Variants in SYT16 observed in about 807,000 individuals in gnomAD.
The protein encoded by SYT16 is synaptotagmin 16.
In SYT16, 42 loss-of-function variants were observed where a neutral mutation model predicts 61.4. That is an observed-to-expected ratio of 0.68 (90% CI 0.53 to 0.89). SYT16 has a LOEUF of 0.89. SYT16 is among the 40% of genes least tolerant of loss of function. SYT16 has a pLI of 0.00. For synonymous variants in SYT16, 314 were observed against 302.3 expected, an observed-to-expected ratio of 1.04 and a Z score of -0.40; for missense variants, 804 against 807.3, an observed-to-expected ratio of 1.00 and a Z score of 0.05.
rs1035256170 is a variant in SYT16, at chr14:61,996,287, C to G, written c.268C>G (p.His90Asp). The G allele has an allele frequency of 6.2e-7, 1 of 1,613,604 alleles. No homozygotes were observed. The highest frequency in any genetic ancestry group is 8.5e-7 in the Non-Finnish European group (1 of 1,179,660). Residue 90 changes from histidine (H) to aspartate (D), a missense_variant, in exon 3 of 8, where the codon CAT (histidine) becomes GAT (aspartate). Transcript: ENST00000683842. ...AAATTCCTTGTTTCTTGAAGTGGAT[C>G]ATTTCTCATGTTGTAATAGTGATTT... ...DANSLFLEVD[H>D]FSCCNSDLQD...
At chr14:62,063,598 C>A (rs890543031) in intron 3 of SYT16, among the ~76,000 whole-genome samples, 1 of 152,072 alleles carries the variant, frequency 6.6e-6, no homozygotes, top group South Asian at 2.1e-4. Flanking sequence ...CCACTCTAGC[C>A]GTGGGTGATA....
intron 1 of SYT16, among the ~76,000 whole-genome samples, chr14:61,940,984 A>G (rs1481411323): frequency 3.3e-5 from 5 of 152,172 alleles, no homozygotes; most frequent in African/African-American, 7.2e-5. Flanking sequence ...AGACTGTGAC[A>G]TTTGCCCCTT....
intron 3 of SYT16, among the ~76,000 whole-genome samples, chr14:62,051,514 C>T (rs563729402): frequency 6.6e-6 from 1 of 152,210 alleles, no homozygotes; most frequent in Non-Finnish European, 1.5e-5. Flanking sequence ...GTGAGATGAA[C>T]CCAGTACCTC....
At chr14:62,018,415 C>T (rs2053786120) in intron 3 of SYT16, among the ~76,000 whole-genome samples, 1 of 145,676 alleles carries the variant, frequency 6.9e-6, no homozygotes, top group Non-Finnish European at 1.5e-5. Context: ...TCAAGCGATT[C>T]TCCTACCTCA....
At chr14:61,871,548 G>T (rs1019199184) in intron 1 of SYT16, among the ~76,000 whole-genome samples, 1 of 152,028 alleles carries the variant, frequency 6.6e-6, no homozygotes, top group Non-Finnish European at 1.5e-5. Flanking sequence ...GCACCCACAG[G>T]GATCACTTCA....
chr14:62,058,340 C>CT (rs796187620), intron 3 of SYT16, among the ~76,000 whole-genome samples: 2,660 of 108,972 alleles, frequency 0.024, 66 homozygotes, highest in East Asian at 0.082. Context: ...TGTTTAAATT[C>CT]TTTTTTTTTT....
At chr14:61,991,245 A>G (rs779999909) in intron 2 of SYT16, among the ~76,000 whole-genome samples, 18 of 151,994 alleles carry the variant, frequency 1.2e-4, no homozygotes, top group Non-Finnish European at 2.6e-4. Flanking sequence ...TTCAATTGTA[A>G]TAATGGGCCT....
chr14:61,912,238 A>G (rs1242317040), intron 1 of SYT16, among the ~76,000 whole-genome samples: 1 of 152,222 alleles, frequency 6.6e-6, no homozygotes, highest in Non-Finnish European at 1.5e-5. Context: ...AGCACTGAGA[A>G]ACAGAATTAT....
chr14:62,025,604 A>G (rs2054073162), intron 3 of SYT16, among the ~76,000 whole-genome samples: 3 of 152,242 alleles, frequency 2.0e-5, no homozygotes, highest in Admixed American at 6.5e-5. Context: ...AATTTAATGC[A>G]GTCCAATTTA....
intron 7 of SYT16, among the ~76,000 whole-genome samples, chr14:62,087,885 G>A (rs559467666): frequency 3.3e-5 from 5 of 152,172 alleles, no homozygotes; most frequent in African/African-American, 1.2e-4. Flanking sequence ...GCTGGAGGTA[G>A]TGGGGCCAAT....
In SYT16 at chr14:61,939,091, T is replaced by C. The variant is rs186921943; in HGVS notation, c.-324-31041T>C. ...CAGAGGTTGTAGTGAGCTGAGATCG[T>C]GCCACTGCACTCCAGCCTGGGCAAC... On this transcript the variant is annotated intron_variant, in intron 1 of 7. Transcript: ENST00000683842. 2.7e-3 allele frequency among the ~76,000 whole-genome samples: 407 copies of C among 152,256 alleles called. 5 individuals carry two copies. The highest frequency in any genetic ancestry group is 8.2e-3 in the Admixed American group (125 of 15,288).
At chr14:61,994,884 G>T (rs966704826) in intron 2 of SYT16, among the ~76,000 whole-genome samples, 5 of 152,194 alleles carry the variant, frequency 3.3e-5, no homozygotes, top group African/African-American at 1.2e-4. Flanking sequence ...ATCACATGCA[G>T]TGGCTGAGGT....
chr14:61,946,643 C>T (rs1157440758), intron 1 of SYT16, among the ~76,000 whole-genome samples: 1 of 152,114 alleles, frequency 6.6e-6, no homozygotes, highest in Non-Finnish European at 1.5e-5. Context: ...ATGGAAATGG[C>T]AATTTTGCAT....
intron 3 of SYT16, among the ~76,000 whole-genome samples, chr14:62,012,317 G>C (rs1233949200): frequency 3.3e-5 from 5 of 152,118 alleles, no homozygotes; most frequent in Non-Finnish European, 7.4e-5. Flanking sequence ...ATAGGACTGA[G>C]GGCCCCAGCT....
chr14:61,991,911 T>C (rs2052564827), intron 2 of SYT16, among the ~76,000 whole-genome samples: 1 of 152,114 alleles, frequency 6.6e-6, no homozygotes, highest in Admixed American at 6.6e-5. Context: ...AGGAATCAGG[T>C]TTACTTAGCT....
chr14:62,011,979 T>A (rs1380439186), intron 3 of SYT16, among the ~76,000 whole-genome samples: 1 of 141,396 alleles, frequency 7.1e-6, no homozygotes, highest in Admixed American at 7.1e-5. Flanking sequence ...CTGATTTAGA[T>A]CATGGCTTTT....
At chr14:61,857,801 C>T (rs2046822244) in intron 1 of SYT16, among the ~76,000 whole-genome samples, 1 of 151,902 alleles carries the variant, frequency 6.6e-6, no homozygotes, top group Non-Finnish European at 1.5e-5. Context: ...AGGATTTGAC[C>T]TAAGATGGGA....
chr14:62,032,016 T>G (rs909069892), intron 3 of SYT16, among the ~76,000 whole-genome samples: 2 of 152,142 alleles, frequency 1.3e-5, no homozygotes, highest in Admixed American at 1.3e-4. Flanking sequence ...GGGAATTTAA[T>G]GGAGTACAGA....
chr14:62,087,599 G>T (rs2140991521), intron 7 of SYT16, among the ~76,000 whole-genome samples: 1 of 152,318 alleles, frequency 6.6e-6, no homozygotes, highest in South Asian at 2.1e-4. Context: ...ACATGTTGCT[G>T]GAAAGAGAGA....
Sources: gnomAD v4.1 joint callset for allele counts (sites outside exome capture counted in the v4.1 genomes callset) on GRCh38, gnomAD v4.1.1 for gene constraint, MANE v1.5 for transcripts, NCBI Gene and HGNC (gene_info 2026-07-23, HGNC 2026-07-21) for gene names.